DPP4: variants seen among roughly 807,000 people sequenced by gnomAD.
The protein encoded by DPP4 is dipeptidyl peptidase 4.
DPP4 carries 93 observed loss-of-function variants against 122.4 expected under a neutral mutation model. That is an observed-to-expected ratio of 0.76 (90% confidence interval 0.64 to 0.90). The LOEUF is 0.90. Ranked by LOEUF, DPP4 falls within the 40% of genes least tolerant of loss-of-function variation. DPP4 has a pLI of 0.00. For missense variants in DPP4, 914 were observed against 907.3 expected (o/e 1.01, Z -0.09); for synonymous variants, 321 against 302.9 (o/e 1.06, Z -0.62).
chr2:162,000,928 G>T (rs918517016), intron 23 of DPP4, among the ~76,000 whole-genome samples: 1 of 152,098 alleles, frequency 6.6e-6, no homozygotes, highest in African/African-American at 2.4e-5. Flanking sequence ...TCTACTCAGA[G>T]CCCTTCTTCT....
At position 162,016,812 on chromosome 2, in the gene DPP4, T is replaced by C. The variant is rs953388280; in HGVS notation, c.1523A>G (p.Gln508Arg). The change falls in exon 18 of 26, where the codon CAG becomes CGG. Residue 508 changes from glutamine to arginine, a missense_variant. Gln to Arg is a conservative substitution (Grantham distance 43). Transcript: ENST00000360534. ...GAAGTCCAGTTTTTTGGAGGGCATC[T>C]GGACATTCTGCAGCATTTTATCCAA... ...SALDKMLQNV[Q>R]MPSKKLDFII... 6.2e-7 allele frequency: 1 copy of C among 1,613,272 alleles called. No individual in the cohort carries two copies. The highest frequency in any genetic ancestry group is 1.7e-4 in the Middle Eastern group (1 of 6,056).
At chr2:162,055,948 C>T (rs1359739774) in intron 2 of DPP4, among the ~76,000 whole-genome samples, 2 of 152,204 alleles carry the variant, frequency 1.3e-5, no homozygotes, top group Non-Finnish European at 2.9e-5. Context: ...CCACACTGGC[C>T]ACCCAGTGGC....
At chr2:161,995,216 C>A in intron 24 of DPP4, 84 bp downstream of exon 24, 2 of 1,382,166 alleles carry the variant, frequency 1.4e-6, no homozygotes, top group South Asian at 2.3e-5. Flanking sequence ...ATGTAACAGT[C>A]TTGCCCCTCA....
chr2:162,029,233 T>A (rs914882334), intron 10 of DPP4, among the ~76,000 whole-genome samples: 2 of 152,362 alleles, frequency 1.3e-5, no homozygotes, highest in African/African-American at 4.8e-5. Context: ...TCCCTTAATT[T>A]GTGTAAATGT....
intron 22 of DPP4, among the ~76,000 whole-genome samples, chr2:162,006,594 C>T (rs1253857399): frequency 6.6e-6 from 1 of 152,026 alleles, no homozygotes; most frequent in Non-Finnish European, 1.5e-5. Flanking sequence ...GACATAAGCT[C>T]TTTTATCTAT....
chr2:162,066,072 T>G (rs760245447), intron 2 of DPP4, among the ~76,000 whole-genome samples: 7 of 152,050 alleles, frequency 4.6e-5, no homozygotes, highest in Admixed American at 6.5e-5. Context: ...AAAGGGGAGT[T>G]AAGCCAGAGG....
Position 162,018,834 on chromosome 2 carries a change from A to T in DPP4, c.1315T>A (p.Tyr439Asn). The T allele has an allele frequency of 6.2e-7, 1 of 1,614,122 alleles. No individual in the cohort carries two copies. The highest frequency in any genetic ancestry group is 8.5e-7 in the Non-Finnish European group (1 of 1,180,006). ...CAACTGAGGCATGTCACTTTTGTAT[A>T]GTCACTAAGTTGGATTCTGTAAAAC... Reference protein sequence around the residue: ...RNLYKIQLSDYTKVTCLSCEL... With the variant: ...RNLYKIQLSDNTKVTCLSCEL... Residue 439 changes from tyrosine (Y) to asparagine (N), a missense_variant, in exon 16 of 26, where the codon TAT becomes AAT. Physicochemically the swap from Tyr to Asn is moderately radical, Grantham distance 143. Transcript: ENST00000360534.
chr2:162,017,482 A>T (rs1682967099), intron 16 of DPP4: 1 of 234,932 alleles, frequency 4.3e-6, no homozygotes, highest in African/African-American at 2.3e-5. Context: ...ATGTGAGCTG[A>T]CATCCTTCCC....
At chr2:162,014,219 G>C (rs947986871) in intron 19 of DPP4, among the ~76,000 whole-genome samples, 177 bp downstream of exon 19, 1 of 152,140 alleles carries the variant, frequency 6.6e-6, no homozygotes, top group African/African-American at 2.4e-5. Flanking sequence ...TCTCTATTAA[G>C]AAGATGTGAG....
chr2:162,021,318 G>T (rs1683119517), intron 12 of DPP4: 1 of 152,044 alleles, frequency 6.6e-6, no homozygotes, highest in African/African-American at 2.4e-5. Flanking sequence ...AAAAATATTT[G>T]TATAGAAATA....
intron 2 of DPP4, among the ~76,000 whole-genome samples, chr2:162,069,013 G>A (rs967810653): frequency 6.6e-6 from 1 of 152,138 alleles, no homozygotes; most frequent in East Asian, 1.9e-4. Flanking sequence ...GCAACCTCAT[G>A]AGAGACCCTG....
chr2:162,043,608 T>A (rs1214528960), intron 5 of DPP4, among the ~76,000 whole-genome samples: 1 of 152,210 alleles, frequency 6.6e-6, no homozygotes, highest in African/African-American at 2.4e-5. Flanking sequence ...GGCTATATAG[T>A]AAGGTGAGCT....
chr2:162,073,280 G>A, intron 2 of DPP4, 119 bp downstream of exon 2: 1 of 957,298 alleles, frequency 1.0e-6, no homozygotes, highest in Admixed American at 2.0e-5. Context: ...AGCCTTCTCA[G>A]CTACACTTCG....
At chr2:161,996,523 C>A (rs567506655) in intron 23 of DPP4, among the ~76,000 whole-genome samples, 117 of 152,188 alleles carry the variant, frequency 7.7e-4, no homozygotes, top group Non-Finnish European at 1.5e-3. Context: ...TGTTTGTATT[C>A]AAGTTCCAGT....
chr2:162,067,677 CAGTT>C (rs10564811), intron 2 of DPP4, among the ~76,000 whole-genome samples: 42,337 of 151,878 alleles, frequency 0.28, 6,438 homozygotes, highest in Non-Finnish European at 0.35. Context: ...AATAATAAAA[CAGTT>C]AGTTCTAATT....
At chr2:161,994,851 T>C in intron 25 of DPP4, 110 bp downstream of exon 25, 2 of 1,034,682 alleles carry the variant, frequency 1.9e-6, no homozygotes, top group South Asian at 2.9e-5. Context: ...AAAAAATTTT[T>C]AATGTTTTTA....
intron 11 of DPP4, among the ~76,000 whole-genome samples, chr2:162,023,496 C>G (rs1683211729): frequency 6.6e-6 from 1 of 152,180 alleles, no homozygotes; most frequent in Non-Finnish European, 1.5e-5. Context: ...GTCCCTAGTT[C>G]CTGCATGTTC....
chr2:162,046,921 A>G lies in DPP4; in HGVS notation c.279T>C (p.Ser93=), dbSNP rs200195351. 3.8e-6 allele frequency: 6 copies of G among 1,570,936 alleles called. No homozygotes were observed. Among genetic ancestry groups the G allele is most frequent in the East Asian group, 2.2e-5 (1 of 44,626 alleles). ...YGNSSVFLEN[S]TFDEFGHSIN... is the part of the protein sequence containing the mutation. ...ATTACGTGATTAAACATACAAATGT[A>G]CTGTTCTCCAAGAAAACTGAGCTGT... The change falls in exon 4 of 26, where the codon AGT becomes AGC. Residue 93 remains serine, a synonymous_variant. Transcript: ENST00000360534.
intron 5 of DPP4, among the ~76,000 whole-genome samples, chr2:162,045,143 A>G (rs991967483): frequency 1.3e-5 from 2 of 151,788 alleles, no homozygotes; most frequent in African/African-American, 4.8e-5. Context: ...TCTTTTAAAA[A>G]CACATATCTA....
Sources: allele counts gnomAD v4.1 joint callset (sites outside exome capture counted in the v4.1 genomes callset), GRCh38; gene constraint gnomAD v4.1.1; transcripts MANE v1.5; gene names NCBI Gene and HGNC (gene_info 2026-07-23, HGNC 2026-07-21).